The following ABCC9 variants were observed in gnomAD, a reference collection of about 807,000 sequenced individuals.
The protein encoded by ABCC9 is ATP binding cassette subfamily C member 9.
A neutral mutation model predicts 188.3 loss-of-function variants in ABCC9; 95 were observed. That is an observed-to-expected ratio of 0.50 (90% CI 0.43 to 0.60). The LOEUF (loss-of-function observed/expected upper bound fraction) is 0.60. Among genes scored for constraint, ABCC9 ranks in the 20% least tolerant of loss-of-function variants. The pLI, the probability that ABCC9 is intolerant of heterozygous loss-of-function variation, is 0.00. For missense variants in ABCC9, 1,102 were observed against 1,876.3 expected, an observed-to-expected ratio of 0.59 and a Z score of 7.62; for synonymous variants, 659 against 652.7, an observed-to-expected ratio of 1.01 and a Z score of -0.15.
chr12:21,916,365 C>A (rs1046055115), intron 6 of ABCC9, among the ~76,000 whole-genome samples: 1 of 152,112 alleles, frequency 6.6e-6, no homozygotes, highest in Non-Finnish European at 1.5e-5. Flanking sequence ...GTTCAAAGTT[C>A]TCTGATAAAA....
intron 12 of ABCC9, among the ~76,000 whole-genome samples, chr12:21,899,670 G>A (rs545466906): frequency 5.9e-5 from 9 of 152,278 alleles, no homozygotes; most frequent in South Asian, 2.1e-4. Flanking sequence ...CATATCCCAC[G>A]CCTGGCTCGG....
intron 37 of ABCC9, among the ~76,000 whole-genome samples, chr12:21,808,698 T>C (rs1332313073): frequency 6.6e-6 from 1 of 150,600 alleles, no homozygotes; most frequent in Non-Finnish European, 1.5e-5. Context: ...ACCCCAGGGA[T>C]TAGAGGGTGT....
intron 9 of ABCC9, 78 bp downstream of exon 9, chr12:21,910,748 T>C: frequency 1.5e-6 from 2 of 1,354,808 alleles, no homozygotes; most frequent in South Asian, 1.3e-5. Context: ...AAAACAAAAC[T>C]GAAGCTACCG....
rs118173034 is a variant in ABCC9 at position 21,818,679 on chromosome 12, A to G, written c.3670-428T>C. On this transcript the variant is annotated intron_variant, in intron 31 of 39. Coordinates refer to ENST00000261200, the MANE Select transcript of ABCC9 (RefSeq NM_020297.4). ...TTTTTTTTTTCCGACTTTCTACTGC[A>G]TTATGTTGCCAGACAAGCAGTTATT... Among the ~76,000 whole-genome samples, 901 of 137,024 alleles carry G rather than the reference A, an allele frequency of 6.6e-3. 4 individuals carry two copies. Among genetic ancestry groups the G allele is most frequent in the Middle Eastern group, 0.019 (5 of 270 alleles). The allele number at this position is 137,024 out of a possible 152,430, so 89.9% of individuals were successfully genotyped here.
intron 33 of ABCC9, among the ~76,000 whole-genome samples, chr12:21,816,468 A>G (rs1942654261): frequency 6.6e-6 from 1 of 152,144 alleles, no homozygotes; most frequent in Non-Finnish European, 1.5e-5. Context: ...GAGGTCCAGG[A>G]GGGCTCCAAG....
chr12:21,885,159 C>CA (rs1208884098), intron 15 of ABCC9, among the ~76,000 whole-genome samples: 1 of 152,150 alleles, frequency 6.6e-6, no homozygotes, highest in Non-Finnish European at 1.5e-5. Flanking sequence ...CAGCCAAAAC[C>CA]ACTTAACTCT....
intron 18 of ABCC9, among the ~76,000 whole-genome samples, chr12:21,869,385 G>A (rs1036748124): frequency 6.6e-6 from 1 of 152,074 alleles, no homozygotes; most frequent in Admixed American, 6.5e-5. Flanking sequence ...CTCTTAAATG[G>A]TTTCCCGCAC....
At chr12:21,822,071 C>T (rs1943068815) in intron 31 of ABCC9, among the ~76,000 whole-genome samples, 1 of 152,044 alleles carries the variant, frequency 6.6e-6, no homozygotes, top group South Asian at 2.1e-4. Flanking sequence ...TTTTGAGGTA[C>T]ATTTTATAGC....
At chr12:21,832,534 G>A (rs564545999) in intron 30 of ABCC9, among the ~76,000 whole-genome samples, 18 of 151,882 alleles carry the variant, frequency 1.2e-4, no homozygotes, top group African/African-American at 3.6e-4. Flanking sequence ...AATGCTTTAC[G>A]TCCCTAATCA....
intron 30 of ABCC9, among the ~76,000 whole-genome samples, chr12:21,832,003 C>T (rs2137297004): frequency 1.3e-5 from 2 of 152,276 alleles, no homozygotes; most frequent in East Asian, 3.9e-4. Flanking sequence ...TAGTCTGAGG[C>T]AGCAGTGAGA....
At chr12:21,810,520 T>C (rs1208181341) in intron 36 of ABCC9, among the ~76,000 whole-genome samples, 1 of 152,096 alleles carries the variant, frequency 6.6e-6, no homozygotes, top group Non-Finnish European at 1.5e-5. Context: ...AAACATGTCC[T>C]TCTTCACATG....
chr12:21,894,700 C>G (rs1324701908), intron 13 of ABCC9, among the ~76,000 whole-genome samples: 1 of 152,126 alleles, frequency 6.6e-6, no homozygotes, highest in Non-Finnish European at 1.5e-5. Flanking sequence ...GCCTCGACCT[C>G]CCCAGGCTCA....
intron 8 of ABCC9, among the ~76,000 whole-genome samples, chr12:21,911,420 T>C (rs1407993574): frequency 6.6e-6 from 1 of 151,914 alleles, no homozygotes. Context: ...TTCTCAGATA[T>C]CTTAATTTAT....
chr12:21,825,782 T>TA (rs999621975), intron 31 of ABCC9, among the ~76,000 whole-genome samples: 12 of 152,102 alleles, frequency 7.9e-5, no homozygotes, highest in African/African-American at 2.7e-4. Flanking sequence ...TCCCAGAACT[T>TA]AAAGTATAAT....
At chr12:21,912,765 G>GGA (rs1555114816) in intron 8 of ABCC9, 107 bp downstream of exon 8, 7 of 1,049,048 alleles carry the variant, frequency 6.7e-6, no homozygotes, top group East Asian at 2.5e-5. Flanking sequence ...TCAATTCTCT[G>GGA]AAAAAAAGCC....
At chr12:21,803,279 A>G (rs1307822995) in intron 39 of ABCC9, among the ~76,000 whole-genome samples, 2 of 152,160 alleles carry the variant, frequency 1.3e-5, no homozygotes, top group African/African-American at 4.8e-5. Flanking sequence ...GTCTAAAAAA[A>G]GAATTTGGCC....
Position 21,895,257 on chromosome 12 carries a change from A to G in ABCC9, c.1659+18T>C, listed in dbSNP as rs1467336853. On this transcript the variant is annotated intron_variant, in intron 13 of 39. Coordinates refer to ENST00000261200, the MANE Select transcript of ABCC9 (RefSeq NM_020297.4). ...ACTGACTTGGTTTCATTTCTAAAAG[A>G]GAGAAAAAGTGTCTTACAGCAAGAA... 10 of 1,607,512 alleles carry G rather than the reference A, an allele frequency of 6.2e-6. No individual in the cohort carries two copies. In the African/African-American group the frequency reaches 1.3e-4, roughly 21 times the overall value.
chr12:21,925,652 G>A, intron 5 of ABCC9: 2 of 636,986 alleles, frequency 3.1e-6, no homozygotes, highest in Non-Finnish European at 5.7e-6. Flanking sequence ...AAGCCAGAAG[G>A]CCAGCCATAT....
intron 30 of ABCC9, among the ~76,000 whole-genome samples, chr12:21,834,841 G>A (rs1943988416): frequency 6.8e-6 from 1 of 147,334 alleles, no homozygotes; most frequent in African/African-American, 2.5e-5. Flanking sequence ...CGCACATGAG[G>A]AGGGAGCCCA....
Sources: allele counts gnomAD v4.1 joint callset (sites outside exome capture counted in the v4.1 genomes callset), GRCh38; gene constraint gnomAD v4.1.1; transcripts MANE v1.5; gene names NCBI Gene and HGNC (gene_info 2026-07-23, HGNC 2026-07-21).